Variants in ANKS3 observed in about 807,000 individuals in gnomAD.
ANKS3 encodes the protein ankyrin repeat and sterile alpha motif domain containing 3.
ANKS3 carries 62 observed loss-of-function variants against 80.7 expected under a neutral mutation model. That is an observed-to-expected ratio of 0.77 (90% CI 0.63 to 0.95). The LOEUF (loss-of-function observed/expected upper bound fraction) is 0.95, where lower values mean the gene tolerates loss of function less well. Among genes scored for constraint, ANKS3 ranks in the 40% least tolerant of loss-of-function variants. The probability of loss-of-function intolerance (pLI) is 0.00; values close to 1 mark genes in which losing one functional copy is unlikely to be tolerated. For missense variants in ANKS3, 1,150 were observed against 883.6 expected (o/e 1.30, Z -3.82); for synonymous variants, 489 against 355.3 (o/e 1.38, Z -4.23).
At chr16:4,709,126 G>T (rs1359986196) in intron 7 of ANKS3, among the ~76,000 whole-genome samples, 1 of 151,630 alleles carries the variant, frequency 6.6e-6, no homozygotes, top group East Asian at 1.9e-4. Context: ...AGAAATTTTT[G>T]CCGGGTGCAG....
rs564989588 is a variant in ANKS3 at position 4,718,171 on chromosome 16, T to G, written c.574-3985A>C. Among the ~76,000 whole-genome samples the G allele has an allele frequency of 9.2e-5, 14 of 152,158 alleles. 1 individual carries two copies. The South Asian group carries it at 2.9e-3, about 32-fold the overall frequency. On this transcript the variant is annotated intron_variant, in intron 6 of 17. Transcript: ENST00000304283. ...CCAGCCTCAAGCGATCTTCCCACTT[T>G]GGCCTCTAAAAGTGCTGGGATTACT...
chr16:4,701,309 C>T, intron 10 of ANKS3, 125 bp downstream of exon 10: 1 of 1,324,792 alleles, frequency 7.5e-7, no homozygotes, highest in Non-Finnish European at 1.0e-6. Context: ...CACAGCACGT[C>T]CCAGTGCAGC....
chr16:4,720,154 C>T (rs2081013520), intron 6 of ANKS3, among the ~76,000 whole-genome samples: 4 of 113,894 alleles, frequency 3.5e-5, no homozygotes, highest in East Asian at 5.1e-4. Flanking sequence ...AGAGCAAGAC[C>T]CCACCCCAAA....
intron 6 of ANKS3, among the ~76,000 whole-genome samples, chr16:4,722,637 G>T (rs900623959): frequency 6.6e-6 from 1 of 151,494 alleles, no homozygotes; most frequent in Non-Finnish European, 1.5e-5. Flanking sequence ...TGTTCAACTG[G>T]CTGGGCGCAG....
chr16:4,724,291 T>C (rs528425942), intron 6 of ANKS3, among the ~76,000 whole-genome samples: 1 of 152,306 alleles, frequency 6.6e-6, no homozygotes, highest in East Asian at 1.9e-4. Flanking sequence ...AGACTATACG[T>C]AGAATCCCAC....
chr16:4,697,992 C>A lies in ANKS3; in HGVS notation c.1795G>T (p.Ala599Ser). ...CTGCTCTTACCAGCTGGGGGGACGG[C>A]TAGGCCCAGAGTGGCTGCACCAGGG... is the stretch of plus-strand genomic sequence containing the variant. ...QPPGAATLGL[A>S]VPPADSKGWQ... Residue 599 changes from alanine (A) to serine (S), a missense_variant, in exon 15 of 18, where the codon GCC becomes TCC. Ala to Ser is a moderately conservative substitution (Grantham distance 99). Transcript: ENST00000304283. The A allele has an allele frequency of 6.3e-7, 1 of 1,599,344 alleles. No homozygotes were observed. Among genetic ancestry groups the A allele is most frequent in the Non-Finnish European group, 8.5e-7 (1 of 1,173,868 alleles).
chr16:4,712,565 T>A (rs2080553117), intron 7 of ANKS3, among the ~76,000 whole-genome samples: 1 of 152,166 alleles, frequency 6.6e-6, no homozygotes, highest in Non-Finnish European at 1.5e-5. Flanking sequence ...CAATCTACCA[T>A]ATGAAAATTC....
In ANKS3 at chr16:4,701,030, C is replaced by A; in HGVS notation, c.1224G>T (p.Arg408Ser). The change falls in exon 11 of 18, where the codon AGG (arginine) becomes AGT (serine). Residue 408 changes from arginine to serine, a missense_variant. Coordinates refer to ENST00000304283, the MANE Select transcript of ANKS3 (RefSeq NM_133450.4). The stretch of plus-strand genomic sequence containing the variant: ...GGCTGGACTCAGCGAGAAAGCCTTC[C>A]CTGTCAGTTGCAGCGCGGGGAGGCC... ...SQWPPRAATDREGFLAESSPQ... is the reference protein window; with the variant it reads ...SQWPPRAATDSEGFLAESSPQ... 6.2e-7 allele frequency: 1 copy of A among 1,614,106 alleles called. No homozygotes were observed. The highest frequency in any genetic ancestry group is 8.5e-7 in the Non-Finnish European group (1 of 1,180,020).
chr16:4,718,369 G>C (rs1013186208), intron 6 of ANKS3, among the ~76,000 whole-genome samples: 1 of 152,188 alleles, frequency 6.6e-6, no homozygotes, highest in Non-Finnish European at 1.5e-5. Flanking sequence ...AGACTATCCG[G>C]AAGGCACGAA....
chr16:4,716,126 GGT>G (rs2080780304), intron 6 of ANKS3, among the ~76,000 whole-genome samples: 1 of 151,880 alleles, frequency 6.6e-6, no homozygotes, highest in Non-Finnish European at 1.5e-5. Context: ...GGGAGGCCGA[GGT>G]GGACGGAGCA....
In ANKS3 at chr16:4,700,989, G is replaced by T. The variant is rs753942598; in HGVS notation, c.1265C>A (p.Ala422Asp). The T allele has an allele frequency of 6.2e-7, 1 of 1,613,952 alleles. No homozygotes were observed. Among genetic ancestry groups the T allele is most frequent in the South Asian group, 1.1e-5 (1 of 91,088 alleles). Residue 422 changes from alanine to aspartate, a missense_variant, in exon 11 of 18, where the codon GCC (alanine) becomes GAC (aspartate). Transcript: ENST00000304283. The stretch of plus-strand genomic sequence containing the variant: ...TCTTACCTGGGGTCCTGAGTAGGGG[G>T]CCCTCTGAGTCTGGGGGCTGGACTC... ...LAESSPQTQR[A>D]PYSGPQDLAA...
At chr16:4,697,160 G>C in intron 16 of ANKS3, 56 bp from the exon 17 acceptor site, 1 of 1,586,668 alleles carries the variant, frequency 6.3e-7, no homozygotes, top group Non-Finnish European at 8.6e-7. Context: ...GCTGGGTGGT[G>C]CTGCCCCGGG....
chr16:4,712,385 C>CA (rs977396477), intron 7 of ANKS3, among the ~76,000 whole-genome samples: 32 of 148,746 alleles, frequency 2.2e-4, no homozygotes, highest in Non-Finnish European at 3.4e-4. Context: ...ATTTCAAAAA[C>CA]AAAAAAAAAG....
At chr16:4,702,464 G>C (rs1338032978) in intron 8 of ANKS3, among the ~76,000 whole-genome samples, 1 of 152,246 alleles carries the variant, frequency 6.6e-6, no homozygotes, top group Non-Finnish European at 1.5e-5. Flanking sequence ...TGGCAGCCAG[G>C]TCAAGCCTGG....
rs144005661 is a variant in ANKS3 at position 4,705,301 on chromosome 16, A to AT, written c.710-49dup. ...AGATAGTGTGTTCAGTAATGGACTC[A>AT]TTTACTAATCCTTACGGCAAACTGA... is the stretch of plus-strand genomic sequence containing the variant. On this transcript the variant is annotated intron_variant, in intron 7 of 17. Transcript: ENST00000304283. 2,407 of 1,586,866 alleles carry AT rather than the reference A, an allele frequency of 1.5e-3. 35 individuals carry two copies. In the African/African-American group the frequency reaches 0.029, roughly 19 times the overall value.
chr16:4,700,626 G>A, intron 11 of ANKS3: 1 of 403,274 alleles, frequency 2.5e-6, no homozygotes, highest in Admixed American at 3.6e-5. Context: ...AGCACACACT[G>A]TGTGTAGTTC....
Position 4,707,357 on chromosome 16 carries a change from T to C in ANKS3, c.710-2104A>G, listed in dbSNP as rs1051412221. On this transcript the variant is annotated intron_variant, in intron 7 of 17. Transcript: ENST00000304283. ...AGTGCAGTGGCACAATCTCGGCTCA[T>C]TGTAACCTCCGCCTCCCGGGTTCAA... 6.0e-5 allele frequency among the ~76,000 whole-genome samples: 9 copies of C among 150,760 alleles called. No homozygotes were observed. In the East Asian group the frequency reaches 1.2e-3, roughly 20 times the overall value.
At position 4,697,036 on chromosome 16, in the gene ANKS3, C is replaced by T. The variant is rs141559848; in HGVS notation, c.1963G>A (p.Glu655Lys). The T allele has an allele frequency of 2.2e-5, 36 of 1,613,442 alleles. No individual in the cohort carries two copies. The African/African-American group carries it at 4.1e-4, about 19-fold the overall frequency. Residue 655 changes from glutamate to lysine, a missense_variant, in exon 17 of 18, where the codon GAG (glutamate) becomes AAG (lysine). Coordinates refer to ENST00000304283, the MANE Select transcript of ANKS3 (RefSeq NM_133450.4). The stretch of plus-strand genomic sequence containing the variant: ...ACTCACCGGCCCGCAGGCTAGGTCT[C>T]CCGCCACTTCTTCCCGTTCAGCACC... Reference protein sequence around the residue: ...LQVLNGKKWRET With the variant: ...LQVLNGKKWRKT
chr16:4,701,825 G>C (rs997453345), intron 9 of ANKS3: 3 of 504,648 alleles, frequency 5.9e-6, no homozygotes, highest in East Asian at 3.3e-5. Context: ...AGTTATAACA[G>C]ACATTCCTAC....
Sources: allele counts gnomAD v4.1 joint callset (sites outside exome capture counted in the v4.1 genomes callset), GRCh38; gene constraint gnomAD v4.1.1; transcripts MANE v1.5; gene names NCBI Gene and HGNC (gene_info 2026-07-23, HGNC 2026-07-21).